The following DACH1 variants were observed in gnomAD, a reference collection of about 807,000 sequenced individuals.
The protein encoded by DACH1 is dachshund homolog 1.
In DACH1, 12 loss-of-function variants were observed where a neutral mutation model predicts 54.2. The ratio of observed to expected loss-of-function variants is 0.22; its 90% CI spans 0.14 to 0.36. The LOEUF (loss-of-function observed/expected upper bound fraction) is 0.36, where lower values mean the gene tolerates loss of function less well. DACH1 is among the 10% of genes least tolerant of loss of function. DACH1 has a pLI of 1.00. For synonymous variants in DACH1, 386 were observed against 366.2 expected, an observed-to-expected ratio of 1.05 and a Z score of -0.62; for missense variants, 805 against 929.8, an observed-to-expected ratio of 0.87 and a Z score of 1.75.
At chr13:71,847,321 C>A (rs537279934) in intron 1 of DACH1, among the ~76,000 whole-genome samples, 1 of 152,248 alleles carries the variant, frequency 6.6e-6, no homozygotes, top group Admixed American at 6.5e-5. Flanking sequence ...TTATGAATTT[C>A]ATAAGAGCAT....
intron 1 of DACH1, among the ~76,000 whole-genome samples, chr13:71,805,311 C>A (rs1351960174): frequency 6.6e-6 from 1 of 152,070 alleles, no homozygotes; most frequent in African/African-American, 2.4e-5. Flanking sequence ...ATCTATGAGA[C>A]GCAAACACTC....
At chr13:71,542,215 A>G (rs1883178641) in intron 6 of DACH1, among the ~76,000 whole-genome samples, 1 of 151,974 alleles carries the variant, frequency 6.6e-6, no homozygotes, top group African/African-American at 2.4e-5. Context: ...GCGCCATTGC[A>G]CTCCAGCCTG....
At chr13:71,596,293 T>G (rs1874091807) in intron 3 of DACH1, among the ~76,000 whole-genome samples, 1 of 152,166 alleles carries the variant, frequency 6.6e-6, no homozygotes, top group African/African-American at 2.4e-5. Flanking sequence ...ACTCATTTAC[T>G]GAGTAACCAC....
chr13:71,609,702 T>A (rs1875164384), intron 3 of DACH1, among the ~76,000 whole-genome samples: 1 of 152,096 alleles, frequency 6.6e-6, no homozygotes, highest in Admixed American at 6.6e-5. Flanking sequence ...ACTTTGTATA[T>A]TTTTAGTAGA....
At chr13:71,795,689 T>A (rs1435387722) in intron 1 of DACH1, among the ~76,000 whole-genome samples, 1 of 152,148 alleles carries the variant, frequency 6.6e-6, no homozygotes, top group Non-Finnish European at 1.5e-5. Context: ...CAAATCAGAC[T>A]TTGAAATCGG....
intron 2 of DACH1, among the ~76,000 whole-genome samples, chr13:71,661,586 T>C (rs1879493219): frequency 6.6e-6 from 1 of 152,174 alleles, no homozygotes; most frequent in South Asian, 2.1e-4. Flanking sequence ...AGAAGGAGGA[T>C]ACATTTCCTA....
At chr13:71,482,793 G>GTT (rs10716729) in intron 7 of DACH1, among the ~76,000 whole-genome samples, 59 of 67,446 alleles carry the variant, frequency 8.7e-4, no homozygotes, top group African/African-American at 2.3e-3. Context: ...TCAACTGACA[G>GTT]TTTTTTTTTT....
At chr13:71,706,546 T>G (rs528578188) in intron 1 of DACH1, among the ~76,000 whole-genome samples, 1 of 152,286 alleles carries the variant, frequency 6.6e-6, no homozygotes, top group African/African-American at 2.4e-5. Flanking sequence ...CATATTCCAT[T>G]CTTTTCAAGC....
intron 1 of DACH1, among the ~76,000 whole-genome samples, chr13:71,724,546 T>C (rs1481257501): frequency 2.0e-5 from 3 of 152,162 alleles, no homozygotes; most frequent in Non-Finnish European, 4.4e-5. Context: ...TTGGAAACAC[T>C]CTTGATATGA....
chr13:71,443,031 A>C (rs2138097263), intron 10 of DACH1, among the ~76,000 whole-genome samples: 1 of 148,784 alleles, frequency 6.7e-6, no homozygotes, highest in African/African-American at 2.4e-5. Context: ...GGTTTACACA[A>C]AGTAGATATT....
At chr13:71,651,378 A>AAAAG (rs750027960) in intron 2 of DACH1, among the ~76,000 whole-genome samples, 1 of 151,902 alleles carries the variant, frequency 6.6e-6, no homozygotes, top group African/African-American at 2.4e-5. Context: ...ACAAAAAAAA[A>AAAAG]AAAGAAAGAA....
chr13:71,537,074 G>A (rs1485753316), intron 6 of DACH1, among the ~76,000 whole-genome samples: 4 of 151,964 alleles, frequency 2.6e-5, no homozygotes, highest in African/African-American at 7.3e-5. Flanking sequence ...ACATCTCCAG[G>A]CTCTGATCAC....
chr13:71,621,932 T>C (rs1876275460), intron 3 of DACH1, among the ~76,000 whole-genome samples: 1 of 152,068 alleles, frequency 6.6e-6, no homozygotes, highest in South Asian at 2.1e-4. Context: ...TAAGGGTCTG[T>C]GTTTCCATTA....
chr13:71,509,964 T>C (rs1880642905), intron 6 of DACH1, among the ~76,000 whole-genome samples: 2 of 152,104 alleles, frequency 1.3e-5, no homozygotes, highest in Admixed American at 6.6e-5. Context: ...TTCTCTAGTA[T>C]AACTACTTTT....
At position 71,716,526 on chromosome 13, in the gene DACH1, T is replaced by C. The variant is rs753269512; in HGVS notation, c.849-34616A>G. Among the ~76,000 whole-genome samples, 90 of 152,128 alleles carry C rather than the reference T, an allele frequency of 5.9e-4. 1 individual carries two copies. Among genetic ancestry groups the C allele is most frequent in the Non-Finnish European group, 1.3e-4 (9 of 67,994 alleles). ...CTTCCTGAAATGCCCATTCCTTCAG[T>C]TGTACATGTGAGAAGCCCTACACCA... On this transcript the variant is annotated intron_variant, in intron 1 of 10. Transcript: ENST00000613252.
chr13:71,522,252 T>A (rs1331475128), intron 6 of DACH1, among the ~76,000 whole-genome samples: 4 of 151,978 alleles, frequency 2.6e-5, no homozygotes, highest in Admixed American at 2.6e-4. Flanking sequence ...TGAGAACACC[T>A]CAGAAGACAC....
In DACH1 at chr13:71,508,422, A is replaced by C. The variant is rs572836345; in HGVS notation, c.1571-19274T>G. 9.9e-5 allele frequency among the ~76,000 whole-genome samples: 15 copies of C among 152,152 alleles called. No homozygotes were observed. The South Asian group carries it at 1.7e-3, about 17-fold the overall frequency. On this transcript the variant is annotated intron_variant, in intron 6 of 10. Coordinates refer to ENST00000613252, the MANE Select transcript of DACH1 (RefSeq NM_080759.6). ...AACTTGTACTTGTTAGTATCATTTT[A>C]TATGCATGGAAGACAGATCTAAACA...
intron 1 of DACH1, among the ~76,000 whole-genome samples, chr13:71,702,048 G>A (rs1296815206): frequency 6.6e-6 from 1 of 151,864 alleles, no homozygotes; most frequent in African/African-American, 2.4e-5. Context: ...AATAAATAAA[G>A]TATTTAACAC....
intron 3 of DACH1, among the ~76,000 whole-genome samples, chr13:71,598,444 G>T (rs1402993259): frequency 6.6e-6 from 1 of 151,864 alleles, no homozygotes; most frequent in African/African-American, 2.4e-5. Context: ...TAGTAGAGAC[G>T]GGGTTTCACC....
Sources: allele counts gnomAD v4.1 joint callset (sites outside exome capture counted in the v4.1 genomes callset), GRCh38; gene constraint gnomAD v4.1.1; transcripts MANE v1.5; gene names NCBI Gene and HGNC (gene_info 2026-07-23, HGNC 2026-07-21).